The following GALNT13 variants were observed in gnomAD, a reference collection of about 807,000 sequenced individuals.
GALNT13 encodes polypeptide N-acetylgalactosaminyltransferase 13.
A neutral mutation model predicts 64.2 loss-of-function variants in GALNT13; 28 were observed. The observed-to-expected ratio is 0.44, with a 90% confidence interval of 0.32 to 0.60. The LOEUF is 0.60. Ranked by LOEUF, GALNT13 falls within the 20% of genes least tolerant of loss-of-function variation. The pLI is 0.05. For synonymous variants in GALNT13, 214 were observed against 224.6 expected (o/e 0.95, Z 0.42); for missense variants, 577 against 669.8 (o/e 0.86, Z 1.53).
At chr2:153,533,758 A>G in the GALNT13 span, among the ~76,000 whole-genome samples, 1 of 15,504 alleles carries the variant, frequency 6.4e-5, no homozygotes. Flanking sequence ...TTTTTAGTTT[A>G]GGTAGTATCT....
the GALNT13 span, among the ~76,000 whole-genome samples, chr2:153,469,908 G>A: frequency 7.1e-6 from 1 of 140,342 alleles, no homozygotes; most frequent in Non-Finnish European, 1.5e-5. Context: ...TGATCCAAAT[G>A]CCCAGGTGCA....
At chr2:153,292,962 T>C in the GALNT13 span, among the ~76,000 whole-genome samples, 1 of 152,180 alleles carries the variant, frequency 6.6e-6, no homozygotes, top group Non-Finnish European at 1.5e-5. Context: ...GTGAAGTAGA[T>C]GGAGTTTATC....
the GALNT13 span, among the ~76,000 whole-genome samples, chr2:153,398,431 C>T: frequency 4.6e-5 from 7 of 152,082 alleles, no homozygotes; most frequent in East Asian, 7.8e-4. Flanking sequence ...CCTTTGGGTA[C>T]ATACCCAGTA....
At chr2:154,152,432 TA>T (rs1448416320) in intron 4 of GALNT13, among the ~76,000 whole-genome samples, 3 of 151,986 alleles carry the variant, frequency 2.0e-5, no homozygotes, top group Admixed American at 6.6e-5. Flanking sequence ...TCTTGAGGAG[TA>T]TCTTTGTGGC....
At chr2:153,322,093 G>A in the GALNT13 span, among the ~76,000 whole-genome samples, 4 of 151,824 alleles carry the variant, frequency 2.6e-5, no homozygotes, top group Non-Finnish European at 4.4e-5. Flanking sequence ...GGTACATTGA[G>A]TGATGCTAAG....
At chr2:153,816,906 A>T in the GALNT13 span, among the ~76,000 whole-genome samples, 1 of 152,186 alleles carries the variant, frequency 6.6e-6, no homozygotes, top group Non-Finnish European at 1.5e-5. Context: ...GTCACACGTT[A>T]TGCAGAGGAG....
chr2:153,131,513 C>T, the GALNT13 span, among the ~76,000 whole-genome samples: 1 of 151,244 alleles, frequency 6.6e-6, no homozygotes, highest in African/African-American at 2.4e-5. Context: ...GGCCACGTGC[C>T]CAAAGATGAG....
the GALNT13 span, among the ~76,000 whole-genome samples, chr2:153,112,796 C>A: frequency 6.6e-6 from 1 of 152,032 alleles, no homozygotes; most frequent in African/African-American, 2.4e-5. Context: ...CAGAATAGTT[C>A]TCACCATCAA....
At chr2:153,568,636 G>C in the GALNT13 span, among the ~76,000 whole-genome samples, 1 of 152,102 alleles carries the variant, frequency 6.6e-6, no homozygotes, top group Non-Finnish European at 1.5e-5. Flanking sequence ...CCATTGAGTT[G>C]TGATACACAT....
chr2:153,232,618 A>G, the GALNT13 span, among the ~76,000 whole-genome samples: 1 of 152,234 alleles, frequency 6.6e-6, no homozygotes, highest in African/African-American at 2.4e-5. Context: ...CATAGTCATC[A>G]GCTCACTGGT....
At chr2:154,163,744 G>A (rs914276986) in intron 4 of GALNT13, among the ~76,000 whole-genome samples, 1 of 152,182 alleles carries the variant, frequency 6.6e-6, no homozygotes, top group Non-Finnish European at 1.5e-5. Context: ...ACAATGGGAA[G>A]TTAGTAGAAA....
chr2:154,364,242 A>T (rs1697235840), intron 9 of GALNT13, among the ~76,000 whole-genome samples: 1 of 152,236 alleles, frequency 6.6e-6, no homozygotes, highest in Admixed American at 6.5e-5. Context: ...GAGTTAAAAT[A>T]GAAACTTAAT....
chr2:153,135,596 A>G, the GALNT13 span, among the ~76,000 whole-genome samples: 1 of 152,234 alleles, frequency 6.6e-6, no homozygotes, highest in South Asian at 2.1e-4. Context: ...GAGAAATGGC[A>G]TTTGTGGGTG....
the GALNT13 span, among the ~76,000 whole-genome samples, chr2:153,716,629 G>T: frequency 1.3e-5 from 2 of 152,090 alleles, no homozygotes; most frequent in African/African-American, 4.8e-5. Context: ...CAGTCATATT[G>T]TAATATAGTC....
chr2:154,263,887 C>A (rs1271165517), intron 8 of GALNT13, among the ~76,000 whole-genome samples: 2 of 152,100 alleles, frequency 1.3e-5, no homozygotes, highest in Non-Finnish European at 2.9e-5. Context: ...ATAACACTTT[C>A]AAGACATTGA....
chr2:154,064,689 C>G (rs182349838), intron 3 of GALNT13, among the ~76,000 whole-genome samples: 1 of 152,216 alleles, frequency 6.6e-6, no homozygotes, highest in Admixed American at 6.5e-5. Context: ...CCATCACTTG[C>G]TGACCAAAGA....
chr2:153,607,938 T>C, the GALNT13 span, among the ~76,000 whole-genome samples: 1 of 152,170 alleles, frequency 6.6e-6, no homozygotes, highest in East Asian at 1.9e-4. Context: ...TTTCTTTTGC[T>C]TGTAGCTCAT....
At chr2:153,208,061 ATTTTTTT>A in the GALNT13 span, 13 of 150,564 alleles carry the variant, frequency 8.6e-5, no homozygotes, top group Admixed American at 2.7e-4. Flanking sequence ...CAATACAAAT[ATTTTTTT>A]TTTTTTTTTT....
chr2:153,713,491 G>T, the GALNT13 span, among the ~76,000 whole-genome samples: 2,384 of 152,172 alleles, frequency 0.016, 64 homozygotes, highest in East Asian at 0.12. Context: ...AGGAGACCAT[G>T]TCTTTTTTTT....
Sources: allele counts gnomAD v4.1 joint callset (sites outside exome capture counted in the v4.1 genomes callset), GRCh38; gene constraint gnomAD v4.1.1; transcripts MANE v1.5; gene names NCBI Gene and HGNC (gene_info 2026-07-23, HGNC 2026-07-21).